ACOXL: variants seen among roughly 807,000 people sequenced by gnomAD.
ACOXL encodes acyl-coenzyme A oxidase-like protein.
A neutral mutation model predicts 71.9 loss-of-function variants in ACOXL; 70 were observed. The ratio of observed to expected loss-of-function variants is 0.97; its 90% CI spans 0.80 to 1.19. ACOXL has a LOEUF of 1.19. Ranked by LOEUF, ACOXL falls within the 50% of genes most tolerant of loss-of-function variation. The pLI is 0.00. For missense variants in ACOXL, 703 were observed against 736.3 expected (o/e 0.95, Z 0.52); for synonymous variants, 253 against 281.6 (o/e 0.90, Z 1.02).
At chr2:110,901,687 TACAC>T (rs1381227308) in intron 10 of ACOXL, among the ~76,000 whole-genome samples, 2 of 150,206 alleles carry the variant, frequency 1.3e-5, no homozygotes, top group Non-Finnish European at 3.0e-5. Context: ...TACACTCACT[TACAC>T]ACACACAGGC....
chr2:110,871,783 A>C (rs1446592125), intron 10 of ACOXL, among the ~76,000 whole-genome samples: 19 of 152,156 alleles, frequency 1.2e-4, no homozygotes. Flanking sequence ...CCTCAGCTCC[A>C]GGCACTGTTT....
intron 2 of ACOXL, among the ~76,000 whole-genome samples, chr2:110,783,789 A>G (rs1407565680): frequency 6.6e-6 from 1 of 152,218 alleles, no homozygotes; most frequent in African/African-American, 2.4e-5. Flanking sequence ...GAGACTGGCA[A>G]ACAAGGACAA....
At chr2:110,832,232 T>C (rs1379567053) in intron 9 of ACOXL, among the ~76,000 whole-genome samples, 1 of 152,152 alleles carries the variant, frequency 6.6e-6, no homozygotes, top group Non-Finnish European at 1.5e-5. Flanking sequence ...CACTAAGGCA[T>C]GATCCTTTAA....
At chr2:111,111,066 A>G (rs1239561811) in intron 17 of ACOXL, among the ~76,000 whole-genome samples, 1 of 152,164 alleles carries the variant, frequency 6.6e-6, no homozygotes, top group Non-Finnish European at 1.5e-5. Flanking sequence ...TTACAAAACT[A>G]AACTATCAGT....
At position 111,014,087 on chromosome 2, in the gene ACOXL, G is replaced by C. The variant is rs116839847; in HGVS notation, c.1282-17540G>C. Among the ~76,000 whole-genome samples, 748 of 152,254 alleles carry C rather than the reference G, an allele frequency of 4.9e-3. 5 individuals are homozygous for C. The highest frequency in any genetic ancestry group is 0.017 in the Middle Eastern group (5 of 294). Reference sequence around the variant, plus strand: ...TAGAAAGGAATTTCCTCAATTTTTGGAGAGTATATCTACAAAAGAACCTAC... The same window carrying C: ...TAGAAAGGAATTTCCTCAATTTTTGCAGAGTATATCTACAAAAGAACCTAC... On this transcript the variant is annotated intron_variant, in intron 14 of 17. Transcript: ENST00000439055.
chr2:111,103,494 C>T (rs942158216), intron 17 of ACOXL, among the ~76,000 whole-genome samples: 7 of 152,074 alleles, frequency 4.6e-5, no homozygotes, highest in Non-Finnish European at 8.8e-5. Context: ...AACCGCTAGG[C>T]ATTGATTCCA....
intron 10 of ACOXL, among the ~76,000 whole-genome samples, chr2:110,874,811 T>C (rs1409727869): frequency 6.6e-6 from 1 of 152,172 alleles, no homozygotes; most frequent in East Asian, 1.9e-4. Context: ...AGGAGGATTC[T>C]TGGGCTCCAT....
chr2:110,949,459 C>G (rs1056805192), intron 12 of ACOXL, among the ~76,000 whole-genome samples: 5 of 152,164 alleles, frequency 3.3e-5, no homozygotes, highest in Non-Finnish European at 7.4e-5. Flanking sequence ...CCCCAAAGTT[C>G]TGGGGCTCTG....
intron 10 of ACOXL, among the ~76,000 whole-genome samples, chr2:110,881,463 A>T (rs944439259): frequency 4.6e-5 from 7 of 152,110 alleles, no homozygotes; most frequent in Admixed American, 3.3e-4. Context: ...ATATATATAT[A>T]TGCTTTATTA....
At chr2:111,117,415 G>C (rs1196169206) in intron 17 of ACOXL, among the ~76,000 whole-genome samples, 2 of 152,250 alleles carry the variant, frequency 1.3e-5, no homozygotes, top group Non-Finnish European at 2.9e-5. Context: ...CACTGGGCTA[G>C]GTGTCAGAGT....
chr2:110,793,735 A>T lies in ACOXL; in HGVS notation c.245A>T (p.Gln82Leu), dbSNP rs1316497010. 6.2e-7 allele frequency: 1 copy of T among 1,612,554 alleles called. No homozygotes were observed. The highest frequency in any genetic ancestry group is 2.2e-5 in the East Asian group (1 of 44,894). ...EHVTKWFQPL[Q>L]EQKYTGMFAM... ...GTTACTAAGTGGTTTCAGCCACTCC[A>T]GGTATGGTATTTTCCTCAACATTGG... The change falls in exon 4 of 18, where the codon CAG becomes CTG. Residue 82 changes from glutamine to leucine, a missense_variant and splice_region_variant. Transcript: ENST00000439055.
intron 9 of ACOXL, among the ~76,000 whole-genome samples, chr2:110,817,841 G>A (rs190632162): frequency 1.2e-4 from 19 of 152,068 alleles, no homozygotes; most frequent in African/African-American, 3.9e-4. Context: ...CAGTTTTCAT[G>A]CTTGAATAAA....
intron 9 of ACOXL, among the ~76,000 whole-genome samples, chr2:110,812,157 T>C (rs1306888835): frequency 6.6e-6 from 1 of 152,210 alleles, no homozygotes; most frequent in Non-Finnish European, 1.5e-5. Flanking sequence ...AGAGTTATTT[T>C]GACAACTCTT....
At chr2:111,097,516 A>T (rs1249076292) in intron 17 of ACOXL, among the ~76,000 whole-genome samples, 1 of 152,240 alleles carries the variant, frequency 6.6e-6, no homozygotes, top group Non-Finnish European at 1.5e-5. Flanking sequence ...GTCCTCCAAT[A>T]AAAGGAACCA....
intron 5 of ACOXL, among the ~76,000 whole-genome samples, chr2:110,795,315 G>A (rs1685159704): frequency 6.6e-6 from 1 of 152,170 alleles, no homozygotes; most frequent in South Asian, 2.1e-4. Context: ...CTGCCCTGAT[G>A]TTAGTTCTCT....
chr2:110,963,812 G>C (rs77029620), intron 12 of ACOXL: 2 of 1,501,224 alleles, frequency 1.3e-6, no homozygotes, highest in Non-Finnish European at 1.8e-6. Flanking sequence ...TAATTGGCAG[G>C]TGCTTTCCTG....
At chr2:111,003,191 A>C (rs2063713888) in intron 14 of ACOXL, among the ~76,000 whole-genome samples, 2 of 152,186 alleles carry the variant, frequency 1.3e-5, no homozygotes, top group South Asian at 4.2e-4. Flanking sequence ...CACATGAGTA[A>C]GTTTCCCAAA....
At chr2:110,813,557 C>G (rs922084554) in intron 9 of ACOXL, among the ~76,000 whole-genome samples, 2 of 152,176 alleles carry the variant, frequency 1.3e-5, no homozygotes, top group Non-Finnish European at 2.9e-5. Context: ...AAAGCATGAC[C>G]TGTGCCACCT....
At chr2:110,808,216 G>C (rs1468216456) in intron 9 of ACOXL, among the ~76,000 whole-genome samples, 1 of 152,190 alleles carries the variant, frequency 6.6e-6, no homozygotes, top group Non-Finnish European at 1.5e-5. Flanking sequence ...GCACCTGAAA[G>C]AGTGAGAAGT....
Sources: gnomAD v4.1 joint callset for allele counts (sites outside exome capture counted in the v4.1 genomes callset) on GRCh38, gnomAD v4.1.1 for gene constraint, MANE v1.5 for transcripts, NCBI Gene and HGNC (gene_info 2026-07-23, HGNC 2026-07-21) for gene names.